Variants in EPS8L2 observed in about 807,000 individuals in gnomAD.
EPS8L2 encodes EPS8 signaling adaptor L2.
A neutral mutation model predicts 99.4 loss-of-function variants in EPS8L2; 81 were observed. The ratio of observed to expected loss-of-function variants is 0.82; its 90% CI spans 0.68 to 0.98. The LOEUF (loss-of-function observed/expected upper bound fraction) is 0.98, where lower values mean the gene tolerates loss of function less well. Among genes scored for constraint, EPS8L2 ranks in the 50% least tolerant of loss-of-function variants. The pLI is 0.00. For missense variants in EPS8L2, 1,155 were observed against 968.8 expected (o/e 1.19, Z -2.55); for synonymous variants, 509 against 407.3 (o/e 1.25, Z -3.01).
chr11:709,459 C>G lies in EPS8L2; in HGVS notation c.44+8C>G. The G allele has an allele frequency of 1.9e-6, 3 of 1,576,482 alleles. No individual in the cohort carries two copies. Among genetic ancestry groups the G allele is most frequent in the Non-Finnish European group, 2.6e-6 (3 of 1,154,138 alleles). Reference sequence around the variant, plus strand: ...CTGCCCGGGTGCCACCAAGTGAGCCCTCCCACCCATCCCGAATACCCCACC... The same window carrying G: ...CTGCCCGGGTGCCACCAAGTGAGCCGTCCCACCCATCCCGAATACCCCACC... On this transcript the variant is annotated splice_region_variant and intron_variant, in intron 2 of 20. Transcript: ENST00000318562.
intron 4 of EPS8L2, among the ~76,000 whole-genome samples, chr11:717,089 A>C (rs905031651): frequency 1.3e-5 from 2 of 151,996 alleles, no homozygotes; most frequent in Admixed American, 1.3e-4. Flanking sequence ...TGATTCTCTT[A>C]ACTCAGCCTC....
Position 726,483 on chromosome 11 carries a change from C to G in EPS8L2, c.1933C>G (p.Arg645Gly). The change falls in exon 19 of 21, where the codon CGG (arginine) becomes GGG (glycine). Residue 645 changes from arginine to glycine, a missense_variant and splice_region_variant. Physicochemically the swap from Arg to Gly is moderately radical, Grantham distance 125. Coordinates refer to ENST00000318562, the MANE Select transcript of EPS8L2 (RefSeq NM_022772.4). ...AWLEAKAFSP[R>G]IVENLGILTG... ...GCTGGAAGCCAAGGCCTTCAGCCCGCGGTGAGCGGGGGCGGGGGATGAGCT... is the reference window on the plus strand; with the variant it reads ...GCTGGAAGCCAAGGCCTTCAGCCCGGGGTGAGCGGGGGCGGGGGATGAGCT... The G allele has an allele frequency of 9.1e-6, 14 of 1,537,164 alleles. No individual in the cohort carries two copies. The highest frequency in any genetic ancestry group is 1.2e-5 in the Non-Finnish European group (14 of 1,140,862).
In EPS8L2 at chr11:714,514, A is replaced by C. The variant is rs1383915282; in HGVS notation, c.165+4028A>C. 1.8e-4 allele frequency among the ~76,000 whole-genome samples: 27 copies of C among 151,674 alleles called. No homozygotes were observed. The East Asian group carries it at 5.2e-3, about 29-fold the overall frequency. On this transcript the variant is annotated intron_variant, in intron 4 of 20. Coordinates refer to ENST00000318562, the MANE Select transcript of EPS8L2 (RefSeq NM_022772.4). Reference sequence around the variant, plus strand: ...CCAAAGTGCTGGGATTACAGGCGTGAGCCGCCGCGCTGGGCCAGTTCCTGT... The same window carrying C: ...CCAAAGTGCTGGGATTACAGGCGTGCGCCGCCGCGCTGGGCCAGTTCCTGT...
chr11:716,348 C>T (rs963347071), intron 4 of EPS8L2, among the ~76,000 whole-genome samples: 3 of 152,018 alleles, frequency 2.0e-5, no homozygotes, highest in African/African-American at 7.2e-5. Context: ...TAGGGTTTCA[C>T]CGTGTTAGCC....
At chr11:713,723 T>G (rs1861946825) in intron 4 of EPS8L2, among the ~76,000 whole-genome samples, 1 of 152,256 alleles carries the variant, frequency 6.6e-6, no homozygotes, top group Non-Finnish European at 1.5e-5. Flanking sequence ...TTTTTATATC[T>G]TTAGCAGAGA....
rs369205949 is a variant in EPS8L2 at position 708,687 on chromosome 11, G to A, written c.-78-643G>A. The stretch of plus-strand genomic sequence containing the variant: ...CCGGGGACCCCAGGGTTTCCTGCCC[G>A]CACAGCCTCTTCCCTGCCAGGTCTC... On this transcript the variant is annotated intron_variant, in intron 1 of 20. Coordinates refer to ENST00000318562, the MANE Select transcript of EPS8L2 (RefSeq NM_022772.4). 476 of 152,484 alleles carry A rather than the reference G, an allele frequency of 3.1e-3. 2 individuals are homozygous for A. The highest frequency in any genetic ancestry group is 5.3e-3 in the Non-Finnish European group (362 of 68,164). 9.4% of individuals were successfully genotyped at this position (152,484 alleles called of 1,614,324 possible).
rs150677634 is a variant in EPS8L2, at chr11:715,968, CT to C, written c.166-4074del. On this transcript the variant is annotated intron_variant, in intron 4 of 20. Coordinates refer to ENST00000318562, the MANE Select transcript of EPS8L2 (RefSeq NM_022772.4). ...TAAGGTGAAACCTTAGATTATTTATCTTTTTTTTTTTTTTTTTTTTCTGAGA... is the reference window on the plus strand; with the variant it reads ...TAAGGTGAAACCTTAGATTATTTATCTTTTTTTTTTTTTTTTTTTCTGAGA... 6.5e-3 allele frequency among the ~76,000 whole-genome samples: 597 copies of C among 91,528 alleles called. 9 individuals are homozygous for C. Among genetic ancestry groups the C allele is most frequent in the African/African-American group, 0.021 (430 of 20,000 alleles). 60.0% of individuals were successfully genotyped at this position (91,528 alleles called of 152,430 possible). A position where few individuals can be genotyped will look rare whatever the true frequency, so the allele number is the denominator to read the frequency against.
In EPS8L2 at chr11:726,970, G is replaced by A. The variant is rs1467540063; in HGVS notation, c.2137G>A (p.Glu713Lys). 6.2e-7 allele frequency: 1 copy of A among 1,612,940 alleles called. No individual in the cohort carries two copies. Among genetic ancestry groups the A allele is most frequent in the Non-Finnish European group, 8.5e-7 (1 of 1,179,616 alleles). ...TCATTCCATGAATCAGAGGAGGGGG[G>A]AGGACAGCTAGGCCCAGCTGCCTTG... ...KFHSMNQRRG[E>K]DS is the part of the protein sequence containing the mutation. Residue 713 changes from glutamate (E) to lysine (K), a missense_variant, in exon 21 of 21, where the codon GAG becomes AAG. Coordinates refer to ENST00000318562, the MANE Select transcript of EPS8L2 (RefSeq NM_022772.4).
At chr11:711,771 G>A (rs942102587) in intron 4 of EPS8L2, among the ~76,000 whole-genome samples, 1 of 152,002 alleles carries the variant, frequency 6.6e-6, no homozygotes, top group African/African-American at 2.4e-5. Flanking sequence ...ATCATCTGAG[G>A]TTAGGAGTTT....
chr11:713,147 A>G (rs892587162), intron 4 of EPS8L2, among the ~76,000 whole-genome samples: 1 of 152,222 alleles, frequency 6.6e-6, no homozygotes, highest in Non-Finnish European at 1.5e-5. Flanking sequence ...CTCTCCAGCC[A>G]GGTGGGGGCC....
Position 721,829 on chromosome 11 carries a change from G to T in EPS8L2, c.896-74G>T, listed in dbSNP as rs570256015. The T allele has an allele frequency of 3.9e-6, 6 of 1,520,648 alleles. No individual in the cohort carries two copies. The African/African-American group carries it at 5.5e-5, about 14-fold the overall frequency. The allele number at this position is 1,520,648 out of a possible 1,614,324, so 94.2% of individuals were successfully genotyped here. On this transcript the variant is annotated intron_variant, in intron 10 of 20. Coordinates refer to ENST00000318562, the MANE Select transcript of EPS8L2 (RefSeq NM_022772.4). ...AGGAAGGTCCAGCCCACACAGATGG[G>T]CTGCGTGGGACAGAAGGCGCAGGGG...
At position 721,292 on chromosome 11, in the gene EPS8L2, C is replaced by A. The variant is rs1051690137; in HGVS notation, c.708C>A (p.Arg236=). ...CGCCGTGTCCCCCATCAGGTTTCCG[C>A]CGTCGGGAGTCGCAGGAGGAGCCGC... The part of the protein sequence containing the change: ...PQVPLSEPGF[R]RRESQEEPRA... The change falls in exon 9 of 21, where the codon CGC becomes CGA. Residue 236 remains arginine, a synonymous_variant. Coordinates refer to ENST00000318562, the MANE Select transcript of EPS8L2 (RefSeq NM_022772.4). The A allele has an allele frequency of 1.3e-6, 2 of 1,540,560 alleles. No individual in the cohort carries two copies. Among genetic ancestry groups the A allele is most frequent in the Non-Finnish European group, 1.7e-6 (2 of 1,146,604 alleles).
rs768521279 is a variant in EPS8L2 at position 726,711 on chromosome 11, G to T, written c.2027G>T (p.Arg676Leu). 3 of 1,592,800 alleles carry T rather than the reference G, an allele frequency of 1.9e-6. No individual in the cohort carries two copies. The highest frequency in any genetic ancestry group is 2.6e-6 in the Non-Finnish European group (3 of 1,171,412). The change falls in exon 20 of 21, where the codon CGC (arginine) becomes CTC (leucine). Residue 676 changes from arginine to leucine, a missense_variant. Physicochemically the swap from Arg to Leu is moderately radical, Grantham distance 102 (BLOSUM62 -2). Coordinates refer to ENST00000318562, the MANE Select transcript of EPS8L2 (RefSeq NM_022772.4). ...AAAGTGTGCGGCGAGGAGGGCGTCC[G>T]CGTGTACAGCCAGCTCACCATGCAG... ...LKKVCGEEGV[R>L]VYSQLTMQKA...
rs764221902 is a variant in EPS8L2 at position 726,893 on chromosome 11, C to T, written c.2068-8C>T. 5 of 1,611,828 alleles carry T rather than the reference C, an allele frequency of 3.1e-6. No homozygotes were observed. The highest frequency in any genetic ancestry group is 1.7e-5 in the Admixed American group (1 of 59,824). The stretch of plus-strand genomic sequence containing the variant: ...CCGGCTGAGGATGCCCCCATTTCTC[C>T]TCCCTAGAAGCAGCAAAGTGGGTCG... On this transcript the variant is annotated splice_region_variant and splice_polypyrimidine_tract_variant and intron_variant, in intron 20 of 20. Transcript: ENST00000318562.
rs747842098 is a variant in EPS8L2 at position 710,405 on chromosome 11, G to A, written c.101-17G>A. 1 of 1,612,816 alleles carries A rather than the reference G, an allele frequency of 6.2e-7. No homozygotes were observed. Among genetic ancestry groups the A allele is most frequent in the Non-Finnish European group, 8.5e-7 (1 of 1,179,436 alleles). On this transcript the variant is annotated splice_polypyrimidine_tract_variant and intron_variant, in intron 3 of 20. Transcript: ENST00000318562. ...GGTCCTGCCCGTCGGGGGAGTGACTGGTGTCTCCCGGTTCAGAGCAGAGGA... is the reference window on the plus strand; with the variant it reads ...GGTCCTGCCCGTCGGGGGAGTGACTAGTGTCTCCCGGTTCAGAGCAGAGGA...
At chr11:709,635 ACGTC>A in intron 3 of EPS8L2, 27 bp downstream of exon 3, 8 of 1,610,428 alleles carry the variant, frequency 5.0e-6, no homozygotes, top group Non-Finnish European at 6.8e-6. Context: ...AACGGGCTGG[ACGTC>A]ACAGGGGAGA....
chr11:720,614 C>T lies in EPS8L2; in HGVS notation c.345C>T (p.Phe115=). 2 of 1,600,242 alleles carry T rather than the reference C, an allele frequency of 1.2e-6. No homozygotes were observed. The change falls in exon 6 of 21, where the codon TTC becomes TTT. Residue 115 remains phenylalanine (F), a synonymous_variant. Transcript: ENST00000318562. Reference sequence around the variant, plus strand: ...ACCCGCAGGAGGAGCTGGAAGACTTCCCGCTGCCCACGGTGCAGCGCAGCC... The same window carrying T: ...ACCCGCAGGAGGAGCTGGAAGACTTTCCGCTGCCCACGGTGCAGCGCAGCC... ...DIESQEELED[F]PLPTVQRSQT...
intron 7 of EPS8L2, 77 bp from the exon 8 acceptor site, chr11:720,987 G>GAGT: frequency 6.8e-7 from 1 of 1,464,144 alleles, no homozygotes; most frequent in South Asian, 1.2e-5. Flanking sequence ...AGCCGGCAGG[G>GAGT]GAGGGGAGGA....
At chr11:710,534 G>A (rs1237447269) in intron 4 of EPS8L2, 48 bp downstream of exon 4, 1 of 1,512,838 alleles carries the variant, frequency 6.6e-7, no homozygotes, top group East Asian at 2.3e-5. Context: ...AGCACCCTCA[G>A]GACATGGCTG....
Sources: gnomAD v4.1 joint callset for allele counts (sites outside exome capture counted in the v4.1 genomes callset) on GRCh38, gnomAD v4.1.1 for gene constraint, MANE v1.5 for transcripts, NCBI Gene and HGNC (gene_info 2026-07-23, HGNC 2026-07-21) for gene names.